The following EEIG2 variants were observed in gnomAD, a reference collection of about 807,000 sequenced individuals.
EEIG2 encodes EEIG family member 2.
At chr1:108,621,461 A>G in the EEIG2 span, among the ~76,000 whole-genome samples, 1 of 152,214 alleles carries the variant, frequency 6.6e-6, no homozygotes, top group African/African-American at 2.4e-5. Flanking sequence ...TAGATGGCTG[A>G]TATTATCAAG....
At chr1:108,624,716 G>A in the EEIG2 span, 2 of 1,614,088 alleles carry the variant, frequency 1.2e-6, no homozygotes, top group Non-Finnish European at 1.7e-6. Context: ...AGAAAAGGTG[G>A]AGAGACTCTC....
chr1:108,570,469 T>G, the EEIG2 span, among the ~76,000 whole-genome samples: 606 of 152,278 alleles, frequency 4.0e-3, 1 homozygote, highest in African/African-American at 0.014. Context: ...ATCTGACACA[T>G]GACCTTAGCT....
At chr1:108,587,563 A>T in the EEIG2 span, among the ~76,000 whole-genome samples, 1 of 152,096 alleles carries the variant, frequency 6.6e-6, no homozygotes. Flanking sequence ...TCTGTGCTCC[A>T]CTTGTTCATC....
At chr1:108,562,153 A>G in the EEIG2 span, among the ~76,000 whole-genome samples, 2 of 152,206 alleles carry the variant, frequency 1.3e-5, no homozygotes, top group African/African-American at 4.8e-5. Context: ...AGAAAGCATA[A>G]CTAACTTTCC....
the EEIG2 span, chr1:108,625,336 G>T: frequency 6.6e-6 from 1 of 152,260 alleles, no homozygotes; most frequent in Non-Finnish European, 1.5e-5. Context: ...TGCTCCAGAA[G>T]TAAAAGCATG....
the EEIG2 span, among the ~76,000 whole-genome samples, chr1:108,576,170 G>C: frequency 3.3e-5 from 5 of 152,008 alleles, no homozygotes; most frequent in Admixed American, 3.3e-4. Context: ...TCTTAAAAAA[G>C]CATTTTCTGA....
the EEIG2 span, among the ~76,000 whole-genome samples, chr1:108,568,136 A>C: frequency 6.6e-6 from 1 of 152,204 alleles, no homozygotes; most frequent in Non-Finnish European, 1.5e-5. Flanking sequence ...AAATAGTATT[A>C]ATGCCATTTT....
the EEIG2 span, chr1:108,560,216 G>T: frequency 6.4e-6 from 1 of 155,996 alleles, no homozygotes; most frequent in African/African-American, 2.4e-5. Context: ...GGCGGTCGGG[G>T]TCCGCGCCGC....
chr1:108,596,837 C>G, the EEIG2 span, among the ~76,000 whole-genome samples: 1 of 151,958 alleles, frequency 6.6e-6, no homozygotes, highest in Non-Finnish European at 1.5e-5. Flanking sequence ...CTGTTGGACT[C>G]AAGTGATTCT....
chr1:108,602,642 G>A, the EEIG2 span, among the ~76,000 whole-genome samples: 5 of 152,106 alleles, frequency 3.3e-5, no homozygotes, highest in African/African-American at 4.8e-5. Context: ...AAGTTTGGGA[G>A]GCTGAGGCAG....
chr1:108,578,005 G>A, the EEIG2 span, among the ~76,000 whole-genome samples: 1 of 149,268 alleles, frequency 6.7e-6, no homozygotes, highest in African/African-American at 2.5e-5. Context: ...TCCTTGAAGA[G>A]GTCCTTCACA....
At chr1:108,633,071 C>T in the EEIG2 span, among the ~76,000 whole-genome samples, 2 of 151,522 alleles carry the variant, frequency 1.3e-5, no homozygotes, top group Non-Finnish European at 2.9e-5. Context: ...AGGCATGAGC[C>T]GTTGTGCCAA....
chr1:108,593,081 C>G, the EEIG2 span, among the ~76,000 whole-genome samples: 1 of 152,150 alleles, frequency 6.6e-6, no homozygotes, highest in African/African-American at 2.4e-5. Flanking sequence ...TTGCTTGAAC[C>G]TGAGAGGTGG....
chr1:108,600,752 G>A, the EEIG2 span: 1 of 1,517,280 alleles, frequency 6.6e-7, no homozygotes, highest in East Asian at 2.3e-5. Context: ...TCACTGGCTG[G>A]CTTTGTTTAT....
the EEIG2 span, among the ~76,000 whole-genome samples, chr1:108,564,058 T>C: frequency 6.6e-6 from 1 of 152,202 alleles, no homozygotes; most frequent in Non-Finnish European, 1.5e-5. Context: ...TCATGTTGAA[T>C]GGAAGCAGAA....
chr1:108,620,952 A>G, the EEIG2 span, among the ~76,000 whole-genome samples: 1 of 152,166 alleles, frequency 6.6e-6, no homozygotes. Context: ...AGCCAGGGAA[A>G]TCTTTACTGA....
the EEIG2 span, among the ~76,000 whole-genome samples, chr1:108,567,979 A>T: frequency 6.6e-5 from 10 of 152,082 alleles, no homozygotes; most frequent in African/African-American, 2.4e-4. Flanking sequence ...AGCATGGGTG[A>T]TGGAGCAGGA....
the EEIG2 span, among the ~76,000 whole-genome samples, chr1:108,595,213 C>A: frequency 6.7e-6 from 1 of 150,074 alleles, no homozygotes; most frequent in Non-Finnish European, 1.5e-5. Flanking sequence ...GTACTTCAGC[C>A]TGGGCAGCAA....
chr1:108,560,400 G>T, the EEIG2 span: 1 of 1,553,300 alleles, frequency 6.4e-7, no homozygotes, highest in Non-Finnish European at 8.7e-7. Flanking sequence ...CCGGCCGTGC[G>T]CCCAGCTTGC....
Sources: allele counts gnomAD v4.1 joint callset (sites outside exome capture counted in the v4.1 genomes callset), GRCh38; gene constraint gnomAD v4.1.1; transcripts MANE v1.5; gene names NCBI Gene and HGNC (gene_info 2026-07-23, HGNC 2026-07-21).